Variants in MEGF11 observed in about 807,000 individuals in gnomAD.
MEGF11 encodes the protein multiple epidermal growth factor-like domains protein 11.
Under a neutral mutation model 146.6 loss-of-function variants are expected in MEGF11, and 126 were observed. The ratio of observed to expected loss-of-function variants is 0.86; its 90% CI spans 0.74 to 1.00. The LOEUF is 1.00. MEGF11 is among the 50% of genes least tolerant of loss of function. MEGF11 has a pLI of 0.00. For synonymous variants in MEGF11, 532 were observed against 583.4 expected (o/e 0.91, Z 1.27); for missense variants, 1,509 against 1,521.2 (o/e 0.99, Z 0.13).
chr15:65,908,640 T>C (rs2078701603), intron 23 of MEGF11, among the ~76,000 whole-genome samples: 1 of 152,230 alleles, frequency 6.6e-6, no homozygotes, highest in Non-Finnish European at 1.5e-5. Flanking sequence ...GACATTGGAC[T>C]TTATTGGCCA....
At position 65,930,880 on chromosome 15, in the gene MEGF11, T is replaced by A; in HGVS notation, c.1351A>T (p.Ser451Cys). The change falls in exon 11 of 26, where the codon AGC becomes TGC. Residue 451 changes from serine (S) to cysteine (C), a missense_variant. Coordinates refer to ENST00000395614, the MANE Select transcript of MEGF11 (RefSeq NM_001385028.1). ...GAGCAGGTGCCACCATTGTTACAGC[T>A]ACAGATGGACGAGCAGTTGGGGCCA... ...TYGPNCSSIC[S>C]CNNGGTCSPV... 2 of 1,611,748 alleles carry A rather than the reference T, an allele frequency of 1.2e-6. No individual in the cohort carries two copies. Among genetic ancestry groups the A allele is most frequent in the Non-Finnish European group, 1.7e-6 (2 of 1,178,792 alleles).
chr15:65,908,182 C>T (rs763372840), intron 23 of MEGF11, among the ~76,000 whole-genome samples: 2 of 152,176 alleles, frequency 1.3e-5, no homozygotes, highest in Non-Finnish European at 2.9e-5. Context: ...CAGATGAATT[C>T]AGAACATTCA....
intron 4 of MEGF11, among the ~76,000 whole-genome samples, chr15:66,113,699 G>A (rs2087563824): frequency 1.3e-5 from 2 of 152,106 alleles, no homozygotes; most frequent in Non-Finnish European, 2.9e-5. Context: ...CGAGACCACA[G>A]TGAAACCCCG....
At chr15:66,101,274 G>T (rs141710471) in intron 4 of MEGF11, among the ~76,000 whole-genome samples, 13 of 152,208 alleles carry the variant, frequency 8.5e-5, no homozygotes, top group Non-Finnish European at 1.6e-4. Context: ...CTGCCGCTCC[G>T]GACGGCTGCC....
At chr15:65,915,445 C>T (rs762279538) in intron 19 of MEGF11, 25 bp downstream of exon 19, 63 of 1,611,416 alleles carry the variant, frequency 3.9e-5, no homozygotes, top group South Asian at 2.2e-4. Context: ...CCACAGACCC[C>T]GGGGCTCTGC....
chr15:66,097,164 G>A (rs376575238), intron 4 of MEGF11, among the ~76,000 whole-genome samples: 18 of 152,294 alleles, frequency 1.2e-4, no homozygotes, highest in African/African-American at 2.9e-4. Flanking sequence ...TTCATATTTC[G>A]TAAGTGTTGT....
intron 1 of MEGF11, among the ~76,000 whole-genome samples, chr15:66,228,645 G>A (rs983660745): frequency 2.0e-5 from 3 of 152,190 alleles, no homozygotes; most frequent in South Asian, 2.1e-4. Context: ...ATCTCCTACC[G>A]CAAGCCAGCA....
At chr15:66,231,770 T>TC (rs1401178171) in intron 1 of MEGF11, among the ~76,000 whole-genome samples, 1 of 152,054 alleles carries the variant, frequency 6.6e-6, no homozygotes, top group Non-Finnish European at 1.5e-5. Flanking sequence ...TCCACCCTTC[T>TC]CCCCCTCAGT....
intron 17 of MEGF11, chr15:65,916,607 C>T (rs1299005191): frequency 2.4e-6 from 2 of 845,986 alleles, no homozygotes; most frequent in Non-Finnish European, 3.8e-6. Context: ...CCTTGCAGCC[C>T]TGACCTTCCA....
intron 1 of MEGF11, among the ~76,000 whole-genome samples, chr15:66,206,047 T>C (rs1381098938): frequency 6.6e-6 from 1 of 152,170 alleles, no homozygotes; most frequent in Non-Finnish European, 1.5e-5. Context: ...TGAGCACTTA[T>C]GAACATGCTT....
chr15:66,125,884 A>C (rs952075097), intron 2 of MEGF11, among the ~76,000 whole-genome samples: 2 of 152,164 alleles, frequency 1.3e-5, no homozygotes, highest in Non-Finnish European at 2.9e-5. Context: ...AGAGAAGCCC[A>C]GCAGAGGGCT....
chr15:65,901,414 T>TA (rs1389521746), intron 24 of MEGF11, among the ~76,000 whole-genome samples: 2 of 152,236 alleles, frequency 1.3e-5, no homozygotes, highest in Non-Finnish European at 2.9e-5. Flanking sequence ...ACATAATGAA[T>TA]AGGGCTGTGC....
intron 10 of MEGF11, among the ~76,000 whole-genome samples, chr15:65,937,373 G>C (rs1567166173): frequency 6.6e-6 from 1 of 152,186 alleles, no homozygotes; most frequent in Non-Finnish European, 1.5e-5. Flanking sequence ...TGTCCCCTAA[G>C]GTCCTTTATT....
At chr15:66,101,710 C>A (rs993773599) in intron 4 of MEGF11, among the ~76,000 whole-genome samples, 1 of 152,238 alleles carries the variant, frequency 6.6e-6, no homozygotes, top group East Asian at 1.9e-4. Context: ...CCTCTCCTCT[C>A]ATCAGGGCTC....
chr15:66,038,137 A>T (rs2083797751), intron 5 of MEGF11, among the ~76,000 whole-genome samples: 2 of 152,236 alleles, frequency 1.3e-5, no homozygotes, highest in South Asian at 4.1e-4. Flanking sequence ...AAGAGTAATT[A>T]ACAAGATGAA....
chr15:66,097,849 G>A (rs2086619540), intron 4 of MEGF11, among the ~76,000 whole-genome samples: 1 of 152,020 alleles, frequency 6.6e-6, no homozygotes, highest in Admixed American at 6.6e-5. Context: ...GATGCCAAAA[G>A]CCTGCTCGCA....
At chr15:65,917,839 T>C (rs2079051358) in intron 16 of MEGF11, 127 bp downstream of exon 16, 2 of 1,100,172 alleles carry the variant, frequency 1.8e-6, no homozygotes, top group African/African-American at 3.1e-5. Context: ...TGGGGCTCAT[T>C]CCTACATGCA....
At chr15:66,128,676 C>A (rs1018197885) in intron 1 of MEGF11, among the ~76,000 whole-genome samples, 1 of 152,118 alleles carries the variant, frequency 6.6e-6, no homozygotes, top group Non-Finnish European at 1.5e-5. Flanking sequence ...ATGTTCTCTC[C>A]AGGAAAATGC....
rs16949184 is a variant in MEGF11, at chr15:65,970,197, G to A, written c.899+356C>T. ...TAAAAATGCCCTTCCAGAAGAAATC[G>A]TGCAAAACATATGAATGAAGTGATT... On this transcript the variant is annotated intron_variant, in intron 8 of 25. Coordinates refer to ENST00000395614, the MANE Select transcript of MEGF11 (RefSeq NM_001385028.1). 8.5e-4 allele frequency among the ~76,000 whole-genome samples: 127 copies of A among 149,660 alleles called. 3 individuals carry two copies. In the East Asian group the frequency reaches 9.9e-3, roughly 12 times the overall value.
Sources: allele counts gnomAD v4.1 joint callset (sites outside exome capture counted in the v4.1 genomes callset), GRCh38; gene constraint gnomAD v4.1.1; transcripts MANE v1.5; gene names NCBI Gene and HGNC (gene_info 2026-07-23, HGNC 2026-07-21).